CRB1: variants seen among roughly 807,000 people sequenced by gnomAD.
CRB1 encodes the protein crumbs cell polarity complex component 1, also known as protein crumbs homolog 1.
Under a neutral mutation model 120.0 loss-of-function variants are expected in CRB1, and 83 were observed. That is an observed-to-expected ratio of 0.69 (90% confidence interval 0.58 to 0.83). The LOEUF (loss-of-function observed/expected upper bound fraction) is 0.83. Among genes scored for constraint, CRB1 ranks in the 40% least tolerant of loss-of-function variants. The probability of loss-of-function intolerance (pLI) is 0.00; values close to 1 mark genes in which losing one functional copy is unlikely to be tolerated. For synonymous variants in CRB1, 625 were observed against 612.5 expected (o/e 1.02, Z -0.30); for missense variants, 1,699 against 1,687.6 (o/e 1.01, Z -0.12).
intron 3 of CRB1, among the ~76,000 whole-genome samples, chr1:197,346,516 G>T (rs908988320): frequency 2.6e-5 from 4 of 152,078 alleles, no homozygotes; most frequent in Non-Finnish European, 5.9e-5. Flanking sequence ...ACAATATTTG[G>T]TTTGGTGATA....
At chr1:197,386,906 A>C (rs2125408324) in intron 5 of CRB1, among the ~76,000 whole-genome samples, 2 of 152,274 alleles carry the variant, frequency 1.3e-5, no homozygotes, top group South Asian at 4.1e-4. Context: ...AAGCAATTCC[A>C]TAGTAATAGC....
chr1:197,275,022 G>C (rs925324457), intron 1 of CRB1, among the ~76,000 whole-genome samples: 1 of 151,970 alleles, frequency 6.6e-6, no homozygotes, highest in African/African-American at 2.4e-5. Flanking sequence ...ATCCTTACCT[G>C]CCTTTTCCTG....
At chr1:197,220,816 T>C in the CRB1 span, among the ~76,000 whole-genome samples, 1 of 152,260 alleles carries the variant, frequency 6.6e-6, no homozygotes, top group East Asian at 1.9e-4. Context: ...CCCACCTCTT[T>C]TCCTGCTCTG....
intron 5 of CRB1, among the ~76,000 whole-genome samples, chr1:197,397,705 G>A (rs557318347): frequency 6.6e-6 from 1 of 152,034 alleles, no homozygotes; most frequent in South Asian, 2.1e-4. Flanking sequence ...AAGTAGCAAG[G>A]TTCAAAAGGC....
At chr1:197,477,122 G>A (rs1405558973) in intron 11 of CRB1, among the ~76,000 whole-genome samples, 1 of 152,156 alleles carries the variant, frequency 6.6e-6, no homozygotes, top group Non-Finnish European at 1.5e-5. Context: ...ATCCGAATCA[G>A]AGTGATTCCT....
chr1:197,375,605 T>C lies in CRB1; in HGVS notation c.1171+18592T>C, dbSNP rs145656326. Among the ~76,000 whole-genome samples, 1,003 of 152,278 alleles carry C rather than the reference T, an allele frequency of 6.6e-3. 18 individuals are homozygous for C. The highest frequency in any genetic ancestry group is 0.023 in the African/African-American group (968 of 41,574). ...CACCTACCTATCTATCTGTCACTCA[T>C]TTACTTGCCGCCTCCCAATTCCTGC... On this transcript the variant is annotated intron_variant, in intron 5 of 11. Coordinates refer to ENST00000367400, the MANE Select transcript of CRB1 (RefSeq NM_201253.3).
the CRB1 span, among the ~76,000 whole-genome samples, chr1:197,255,997 A>ATATATATATATATATG: frequency 1.1e-5 from 1 of 91,992 alleles, no homozygotes; most frequent in Non-Finnish European, 1.9e-5. Flanking sequence ...ATATATATAT[A>ATATATATATATATATG]CACTACAATA....
chr1:197,474,150 G>T (rs1393173430), intron 11 of CRB1, among the ~76,000 whole-genome samples: 2 of 152,204 alleles, frequency 1.3e-5, no homozygotes, highest in Non-Finnish European at 2.9e-5. Context: ...TAATATGTTT[G>T]TGTATTTGAG....
intron 11 of CRB1, among the ~76,000 whole-genome samples, chr1:197,466,279 A>G (rs915813660): frequency 1.1e-4 from 16 of 152,234 alleles, no homozygotes; most frequent in African/African-American, 3.6e-4. Flanking sequence ...GGTCTGAGGC[A>G]TAAATGGGAC....
chr1:197,232,525 C>T, the CRB1 span, among the ~76,000 whole-genome samples: 1 of 152,086 alleles, frequency 6.6e-6, no homozygotes, highest in African/African-American at 2.4e-5. Flanking sequence ...TCCTTAGGGG[C>T]AAGATAGACA....
intron 11 of CRB1, among the ~76,000 whole-genome samples, chr1:197,453,892 ATTATTATATTAT>A (rs1429241713): frequency 9.7e-5 from 13 of 134,138 alleles, no homozygotes; most frequent in African/African-American, 3.3e-4. Flanking sequence ...TATTATTAAT[ATTATTATATTAT>A]TAATATATAT....
At chr1:197,402,988 T>C (rs936884889) in intron 5 of CRB1, among the ~76,000 whole-genome samples, 26 of 152,254 alleles carry the variant, frequency 1.7e-4, no homozygotes, top group African/African-American at 6.3e-4. Flanking sequence ...TTTTCAGTTA[T>C]TGTTTTCATT....
chr1:197,313,592 T>C (rs1017026035), intron 1 of CRB1, among the ~76,000 whole-genome samples: 4 of 152,188 alleles, frequency 2.6e-5, no homozygotes, highest in African/African-American at 9.7e-5. Flanking sequence ...GACCAACTTC[T>C]CTTTATACCT....
chr1:197,205,356 C>G, the CRB1 span, among the ~76,000 whole-genome samples: 1 of 152,080 alleles, frequency 6.6e-6, no homozygotes, highest in African/African-American at 2.4e-5. Flanking sequence ...TCAACTTTTC[C>G]CCATTCAATA....
At chr1:197,384,909 A>G (rs1169280163) in intron 5 of CRB1, among the ~76,000 whole-genome samples, 1 of 152,144 alleles carries the variant, frequency 6.6e-6, no homozygotes, top group Non-Finnish European at 1.5e-5. Flanking sequence ...TGGATAGAAA[A>G]AAGTAAAACT....
At chr1:197,253,696 C>A in the CRB1 span, among the ~76,000 whole-genome samples, 1 of 151,966 alleles carries the variant, frequency 6.6e-6, no homozygotes, top group African/African-American at 2.4e-5. Flanking sequence ...TATGGGTTTA[C>A]CTTTTTGCAA....
At chr1:197,396,032 T>C (rs561565873) in intron 5 of CRB1, among the ~76,000 whole-genome samples, 2 of 152,224 alleles carry the variant, frequency 1.3e-5, no homozygotes, top group Admixed American at 6.5e-5. Context: ...GTTACATATA[T>C]TGGAAAAAAG....
chr1:197,432,439 A>G (rs1664918763), intron 8 of CRB1, among the ~76,000 whole-genome samples: 1 of 151,762 alleles, frequency 6.6e-6, no homozygotes, highest in African/African-American at 2.4e-5. Context: ...GAATTGATTT[A>G]TTTAATTAAG....
intron 1 of CRB1, among the ~76,000 whole-genome samples, chr1:197,294,447 C>T (rs1451923536): frequency 6.6e-6 from 1 of 152,094 alleles, no homozygotes; most frequent in African/African-American, 2.4e-5. Context: ...GGAACACTTA[C>T]ACTGTTGGTG....
Sources: allele counts gnomAD v4.1 joint callset (sites outside exome capture counted in the v4.1 genomes callset), GRCh38; gene constraint gnomAD v4.1.1; transcripts MANE v1.5; gene names NCBI Gene and HGNC (gene_info 2026-07-23, HGNC 2026-07-21).